SPAG17: variants seen among roughly 807,000 people sequenced by gnomAD.
SPAG17 encodes the protein sperm-associated antigen 17.
A neutral mutation model predicts 273.6 loss-of-function variants in SPAG17; 169 were observed. That is an observed-to-expected ratio of 0.62 (90% CI 0.55 to 0.70). SPAG17 has a LOEUF of 0.70. Among genes scored for constraint, SPAG17 ranks in the 30% least tolerant of loss-of-function variants. The pLI is 0.00. For missense variants in SPAG17, 2,557 were observed against 2,627.8 expected (o/e 0.97, Z 0.59); for synonymous variants, 825 against 873.2 (o/e 0.94, Z 0.97).
intron 20 of SPAG17, among the ~76,000 whole-genome samples, chr1:118,047,349 C>T (rs1650476158): frequency 6.6e-6 from 1 of 152,212 alleles, no homozygotes; most frequent in African/African-American, 2.4e-5. Flanking sequence ...AGTATAGCAT[C>T]TTAATGTAGC....
intron 3 of SPAG17, among the ~76,000 whole-genome samples, chr1:118,127,309 C>T (rs1263085823): frequency 6.6e-6 from 1 of 152,118 alleles, no homozygotes; most frequent in African/African-American, 2.4e-5. Context: ...GTTCTGTAGG[C>T]TGTACAGGAA....
chr1:118,033,134 T>A (rs6428727), intron 24 of SPAG17, among the ~76,000 whole-genome samples: 1 of 151,838 alleles, frequency 6.6e-6, no homozygotes, highest in African/African-American at 2.4e-5. Flanking sequence ...TCATTCACCA[T>A]TGGGGCTCCA....
At chr1:118,093,890 ATTGC>A (rs1176107132) in intron 7 of SPAG17, among the ~76,000 whole-genome samples, 2 of 152,216 alleles carry the variant, frequency 1.3e-5, no homozygotes, top group African/African-American at 4.8e-5. Context: ...CTAATAGACT[ATTGC>A]TTCTATAATA....
chr1:118,093,955 T>C (rs959299905), intron 7 of SPAG17, among the ~76,000 whole-genome samples: 2 of 152,226 alleles, frequency 1.3e-5, no homozygotes, highest in Admixed American at 1.3e-4. Flanking sequence ...ATACCTCTAT[T>C]ACTTGGGCTT....
intron 38 of SPAG17, 76 bp downstream of exon 38, chr1:117,990,785 T>C: frequency 1.1e-6 from 1 of 925,034 alleles, no homozygotes; most frequent in Non-Finnish European, 1.7e-6. Flanking sequence ...GATAAGAGAA[T>C]GACCGATAAG....
At chr1:117,999,015 G>A (rs1490580519) in intron 32 of SPAG17, among the ~76,000 whole-genome samples, 4 of 143,918 alleles carry the variant, frequency 2.8e-5, no homozygotes, top group East Asian at 4.1e-4. Context: ...CATGTGTGAT[G>A]TTCCCCGCCC....
intron 22 of SPAG17, 96 bp from the exon 23 acceptor site, chr1:118,039,540 C>T: frequency 7.7e-7 from 1 of 1,300,172 alleles, no homozygotes; most frequent in Middle Eastern, 1.9e-4. Context: ...GAAACAAACA[C>T]ACGAACAGAA....
intron 41 of SPAG17, among the ~76,000 whole-genome samples, chr1:117,984,228 A>G (rs1350663471): frequency 2.6e-5 from 4 of 152,194 alleles, no homozygotes; most frequent in South Asian, 2.1e-4. Flanking sequence ...TCCTACAGGT[A>G]GGCTGAAATA....
intron 10 of SPAG17, 146 bp from the exon 11 acceptor site, chr1:118,087,154 C>A: frequency 5.2e-6 from 4 of 763,066 alleles, no homozygotes; most frequent in Non-Finnish European, 7.7e-6. Context: ...TGGCAGGAAA[C>A]TATCAGTGAT....
chr1:118,117,997 T>C (rs1349890473), intron 3 of SPAG17, among the ~76,000 whole-genome samples: 3 of 152,132 alleles, frequency 2.0e-5, no homozygotes, highest in Non-Finnish European at 4.4e-5. Flanking sequence ...AAAAGAAAAA[T>C]GTTTACAAAT....
chr1:117,968,200 T>C (rs1358790065), intron 46 of SPAG17, among the ~76,000 whole-genome samples: 2 of 151,808 alleles, frequency 1.3e-5, no homozygotes, highest in Non-Finnish European at 2.9e-5. Context: ...ACAGATTATA[T>C]TTTTTTTGCC....
At chr1:118,003,398 A>C (rs928766605) in intron 32 of SPAG17, among the ~76,000 whole-genome samples, 3 of 152,162 alleles carry the variant, frequency 2.0e-5, no homozygotes, top group Non-Finnish European at 4.4e-5. Context: ...GTTCTCCTGG[A>C]TAATATCCTG....
chr1:118,069,945 G>T (rs1163382208), intron 17 of SPAG17, among the ~76,000 whole-genome samples: 1 of 152,156 alleles, frequency 6.6e-6, no homozygotes, highest in African/African-American at 2.4e-5. Flanking sequence ...ATTAGATTTG[G>T]CAAGACAAAG....
At chr1:117,974,018 T>C (rs1020464417) in intron 43 of SPAG17, among the ~76,000 whole-genome samples, 1 of 152,342 alleles carries the variant, frequency 6.6e-6, no homozygotes, top group East Asian at 1.9e-4. Flanking sequence ...TATGGCTACA[T>C]AGTATTTCAT....
intron 1 of SPAG17, among the ~76,000 whole-genome samples, chr1:118,169,521 G>T (rs570350891): frequency 2.0e-5 from 3 of 152,228 alleles, no homozygotes; most frequent in Admixed American, 1.3e-4. Flanking sequence ...GAAATAGCTT[G>T]CTGTTTAAGA....
intron 3 of SPAG17, among the ~76,000 whole-genome samples, chr1:118,141,097 T>C (rs1224980136): frequency 6.6e-6 from 1 of 152,146 alleles, no homozygotes; most frequent in Non-Finnish European, 1.5e-5. Context: ...GCAATGAAAC[T>C]AACTCAAAAT....
At chr1:117,992,789 A>G in intron 35 of SPAG17, 141 bp from the exon 36 acceptor site, 1 of 734,120 alleles carries the variant, frequency 1.4e-6, no homozygotes. Flanking sequence ...CCTTAACCTC[A>G]AAAAGTTCTG....
At chr1:117,971,059 T>C (rs1457318714) in intron 45 of SPAG17, among the ~76,000 whole-genome samples, 2 of 152,170 alleles carry the variant, frequency 1.3e-5, no homozygotes, top group Non-Finnish European at 2.9e-5. Context: ...ATCGTTTTTT[T>C]TTTATCTGAT....
intron 20 of SPAG17, among the ~76,000 whole-genome samples, chr1:118,047,598 C>T (rs1235647136): frequency 6.6e-6 from 1 of 152,128 alleles, no homozygotes; most frequent in African/African-American, 2.4e-5. Flanking sequence ...TCCTCAGATC[C>T]CAGACTTCAG....
Sources: allele counts gnomAD v4.1 joint callset (sites outside exome capture counted in the v4.1 genomes callset), GRCh38; gene constraint gnomAD v4.1.1; transcripts MANE v1.5; gene names NCBI Gene and HGNC (gene_info 2026-07-23, HGNC 2026-07-21).